B3GALT1: variants seen among roughly 807,000 people sequenced by gnomAD.
The protein encoded by B3GALT1 is beta-1,3-galactosyltransferase 1, also known as UDP-Gal:betaGlcNAc beta 1,3-galactosyltransferase, polypeptide 1.
Under a neutral mutation model 23.2 loss-of-function variants are expected in B3GALT1, and 10 were observed. The ratio of observed to expected loss-of-function variants is 0.43; its 90% CI spans 0.27 to 0.73. The LOEUF (loss-of-function observed/expected upper bound fraction) is 0.73. B3GALT1 is among the 30% of genes least tolerant of loss of function. The probability of loss-of-function intolerance (pLI) is 0.21; values close to 1 mark genes in which losing one functional copy is unlikely to be tolerated. For missense variants in B3GALT1, 299 were observed against 405.4 expected (o/e 0.74, Z 2.25); for synonymous variants, 156 against 141.5 (o/e 1.10, Z -0.73).
chr2:167,843,431 T>A (rs1415484540), intron 4 of B3GALT1, among the ~76,000 whole-genome samples: 1 of 152,094 alleles, frequency 6.6e-6, no homozygotes, highest in East Asian at 1.9e-4. Flanking sequence ...CAGATAGGAA[T>A]CCTCAGTGCT....
chr2:167,804,365 T>C (rs188273733), intron 3 of B3GALT1, among the ~76,000 whole-genome samples: 2 of 152,074 alleles, frequency 1.3e-5, no homozygotes, highest in African/African-American at 2.4e-5. Context: ...TTAGGGTACA[T>C]GTGCACAATG....
At chr2:167,311,525 T>C (rs1696633844) in intron 1 of B3GALT1, among the ~76,000 whole-genome samples, 1 of 152,022 alleles carries the variant, frequency 6.6e-6, no homozygotes, top group African/African-American at 2.4e-5. Context: ...AAAATGTAGA[T>C]GCACCAGGAC....
At chr2:167,591,287 A>G (rs1228155288) in intron 2 of B3GALT1, among the ~76,000 whole-genome samples, 3 of 151,984 alleles carry the variant, frequency 2.0e-5, no homozygotes, top group Non-Finnish European at 4.4e-5. Flanking sequence ...GGGCATGCCA[A>G]GCAGGGAGGT....
At chr2:167,597,783 TG>T (rs1684806600) in intron 2 of B3GALT1, among the ~76,000 whole-genome samples, 1 of 152,200 alleles carries the variant, frequency 6.6e-6, no homozygotes, top group African/African-American at 2.4e-5. Flanking sequence ...TTTCTGCTAC[TG>T]GGGAAAACAT....
Position 167,643,798 on chromosome 2 carries a change from C to T in B3GALT1, c.-409-3111C>T, listed in dbSNP as rs115141691. ...TGGCAGTATGATTTATATAGGTTGG[C>T]GAACCTCAGACACCATAGGCAGACT... On this transcript the variant is annotated intron_variant, in intron 2 of 4. Transcript: ENST00000392690. 5.4e-3 allele frequency among the ~76,000 whole-genome samples: 825 copies of T among 152,236 alleles called. 10 individuals are homozygous for T. The highest frequency in any genetic ancestry group is 0.019 in the African/African-American group (778 of 41,546).
chr2:167,484,296 C>CA (rs1350704605), intron 1 of B3GALT1, among the ~76,000 whole-genome samples: 5 of 149,952 alleles, frequency 3.3e-5, no homozygotes, highest in African/African-American at 4.9e-5. Flanking sequence ...TTTATGTCAA[C>CA]AAAAAAAAAG....
chr2:167,632,993 C>A (rs1427229985), intron 2 of B3GALT1, among the ~76,000 whole-genome samples: 1 of 151,890 alleles, frequency 6.6e-6, no homozygotes, highest in Non-Finnish European at 1.5e-5. Flanking sequence ...AGGAAGGGGT[C>A]CGGTTTCAGT....
intron 3 of B3GALT1, among the ~76,000 whole-genome samples, chr2:167,685,213 A>G (rs950160093): frequency 4.6e-5 from 7 of 152,248 alleles, no homozygotes; most frequent in East Asian, 1.9e-4. Flanking sequence ...TATTAAGCAC[A>G]TAAGTGTCAA....
At chr2:167,394,887 A>T (rs962570715) in intron 1 of B3GALT1, among the ~76,000 whole-genome samples, 2 of 152,132 alleles carry the variant, frequency 1.3e-5, no homozygotes, top group Admixed American at 1.3e-4. Context: ...TGGAATGAGA[A>T]TGTCTGTATC....
At chr2:167,527,523 T>C (rs1037174496) in intron 2 of B3GALT1, among the ~76,000 whole-genome samples, 1 of 152,168 alleles carries the variant, frequency 6.6e-6, no homozygotes, top group Non-Finnish European at 1.5e-5. Context: ...TGTTATGCCA[T>C]TTATTTATAA....
At chr2:167,830,356 G>A (rs922997389) in intron 4 of B3GALT1, among the ~76,000 whole-genome samples, 1 of 150,596 alleles carries the variant, frequency 6.6e-6, no homozygotes, top group Admixed American at 6.6e-5. Flanking sequence ...ACAGGGCAGG[G>A]TAGGGATTCG....
intron 3 of B3GALT1, among the ~76,000 whole-genome samples, chr2:167,731,195 C>T (rs919108195): frequency 3.9e-5 from 6 of 152,186 alleles, no homozygotes; most frequent in African/African-American, 1.4e-4. Flanking sequence ...TATTTAATCT[C>T]TCTGGAGATC....
At chr2:167,549,813 A>G (rs1198331887) in intron 2 of B3GALT1, among the ~76,000 whole-genome samples, 1 of 152,150 alleles carries the variant, frequency 6.6e-6, no homozygotes, top group Non-Finnish European at 1.5e-5. Flanking sequence ...ATGTAATTTT[A>G]TTTTTATTTT....
At chr2:167,715,332 T>G in intron 3 of B3GALT1, 1 of 1,613,962 alleles carries the variant, frequency 6.2e-7, no homozygotes, top group African/African-American at 1.3e-5. Flanking sequence ...TCTTCAAATG[T>G]TATTTTCTGT....
intron 3 of B3GALT1, among the ~76,000 whole-genome samples, chr2:167,799,608 T>G (rs1163766250): frequency 1.3e-5 from 2 of 152,198 alleles, no homozygotes; most frequent in Non-Finnish European, 2.9e-5. Flanking sequence ...TTCCTAAAAA[T>G]AGTGGTGACT....
intron 3 of B3GALT1, among the ~76,000 whole-genome samples, chr2:167,788,431 A>G (rs1270288675): frequency 6.6e-6 from 1 of 152,082 alleles, no homozygotes; most frequent in Non-Finnish European, 1.5e-5. Flanking sequence ...TTCTGCAACT[A>G]GACGGTCCCA....
At chr2:167,394,967 A>G (rs1698072749) in intron 1 of B3GALT1, among the ~76,000 whole-genome samples, 1 of 152,168 alleles carries the variant, frequency 6.6e-6, no homozygotes, top group South Asian at 2.1e-4. Flanking sequence ...ACAAGTTCAT[A>G]AATGGAGGAA....
At chr2:167,670,745 T>C (rs568870786) in intron 3 of B3GALT1, among the ~76,000 whole-genome samples, 5 of 151,482 alleles carry the variant, frequency 3.3e-5, no homozygotes, top group African/African-American at 7.3e-5. Flanking sequence ...AGCTGAAAAA[T>C]AGAGTAAGTG....
chr2:167,721,816 G>A (rs1055770841), intron 3 of B3GALT1, among the ~76,000 whole-genome samples: 26 of 152,180 alleles, frequency 1.7e-4, no homozygotes, highest in Non-Finnish European at 2.9e-4. Context: ...GGGGAGGGCT[G>A]GTCCTGTAGG....
Sources: gnomAD v4.1 joint callset for allele counts (sites outside exome capture counted in the v4.1 genomes callset) on GRCh38, gnomAD v4.1.1 for gene constraint, MANE v1.5 for transcripts, NCBI Gene and HGNC (gene_info 2026-07-23, HGNC 2026-07-21) for gene names.